Variants in CSRNP3 observed in about 807,000 individuals in gnomAD.
CSRNP3 encodes the protein cysteine/serine-rich nuclear protein 3.
CSRNP3 carries 12 observed loss-of-function variants against 48.0 expected under a neutral mutation model. The ratio of observed to expected loss-of-function variants is 0.25; its 90% CI spans 0.16 to 0.41. The LOEUF (loss-of-function observed/expected upper bound fraction) is 0.41. Ranked by LOEUF, CSRNP3 falls within the 10% of genes least tolerant of loss-of-function variation. CSRNP3 has a pLI of 1.00. For missense variants in CSRNP3, 580 were observed against 724.4 expected (o/e 0.80, Z 2.29); for synonymous variants, 263 against 269.7 (o/e 0.98, Z 0.24).
chr2:165,481,810 T>C (rs1394818202), intron 1 of CSRNP3, among the ~76,000 whole-genome samples: 2 of 152,166 alleles, frequency 1.3e-5, no homozygotes, highest in African/African-American at 4.8e-5. Context: ...GCCATTATCC[T>C]AAGCAAACTA....
intron 3 of CSRNP3, among the ~76,000 whole-genome samples, chr2:165,543,965 G>A (rs1684990821): frequency 6.6e-6 from 1 of 151,206 alleles, no homozygotes; most frequent in Non-Finnish European, 1.5e-5. Flanking sequence ...GATAGACAAG[G>A]TTAATGAAAT....
chr2:165,540,172 T>C (rs1184155547), intron 3 of CSRNP3, among the ~76,000 whole-genome samples: 2 of 152,108 alleles, frequency 1.3e-5, no homozygotes, highest in Non-Finnish European at 2.9e-5. Context: ...TCTCTTTTGC[T>C]CTAAAATGCA....
At chr2:165,673,616 T>G (rs986323072) in intron 5 of CSRNP3, among the ~76,000 whole-genome samples, 5 of 152,190 alleles carry the variant, frequency 3.3e-5, no homozygotes, top group Non-Finnish European at 7.3e-5. Flanking sequence ...TGGTTATTCA[T>G]GTTGCCCTAA....
intron 5 of CSRNP3, among the ~76,000 whole-genome samples, chr2:165,665,775 A>AAGAG (rs10645178): frequency 0.032 from 4,176 of 131,208 alleles, 176 homozygotes; most frequent in African/African-American, 0.092. Flanking sequence ...AAAAGAAAGA[A>AAGAG]AGAGAGAGAG....
At chr2:165,539,227 G>A (rs1274106044) in intron 3 of CSRNP3, among the ~76,000 whole-genome samples, 1 of 151,942 alleles carries the variant, frequency 6.6e-6, no homozygotes, top group Non-Finnish European at 1.5e-5. Flanking sequence ...AATATGCACT[G>A]TTTTTACTCT....
intron 3 of CSRNP3, among the ~76,000 whole-genome samples, chr2:165,530,914 A>T (rs935614451): frequency 1.3e-5 from 2 of 152,128 alleles, no homozygotes; most frequent in African/African-American, 4.8e-5. Context: ...ATTAAGAAAA[A>T]AATTAAAACT....
At chr2:165,590,207 G>A (rs1685694085) in intron 3 of CSRNP3, among the ~76,000 whole-genome samples, 1 of 152,170 alleles carries the variant, frequency 6.6e-6, no homozygotes, top group Admixed American at 6.5e-5. Flanking sequence ...TAGAAATAGA[G>A]ATTTTATTTT....
chr2:165,651,299 T>C (rs532519596), intron 4 of CSRNP3, among the ~76,000 whole-genome samples: 15 of 152,246 alleles, frequency 9.9e-5, no homozygotes, highest in Non-Finnish European at 1.8e-4. Context: ...GATAATCTGG[T>C]AAACTTGAAG....
chr2:165,590,825 CTT>C (rs1372404113), intron 3 of CSRNP3, among the ~76,000 whole-genome samples: 1 of 152,184 alleles, frequency 6.6e-6, no homozygotes, highest in East Asian at 1.9e-4. Flanking sequence ...AATTAAACCT[CTT>C]TTCTTTATAA....
At chr2:165,644,794 C>G (rs1235523816) in intron 4 of CSRNP3, among the ~76,000 whole-genome samples, 1 of 152,138 alleles carries the variant, frequency 6.6e-6, no homozygotes, top group African/African-American at 2.4e-5. Context: ...ATTCTTCTAT[C>G]CATAGTTTTG....
intron 2 of CSRNP3, among the ~76,000 whole-genome samples, chr2:165,496,666 C>G (rs7564365): frequency 0.23 from 35,025 of 151,768 alleles, 4,249 homozygotes; most frequent in East Asian, 0.34. Flanking sequence ...CCTACTATTT[C>G]TCAATCTTTT....
At chr2:165,478,640 T>A (rs1442194240) in intron 1 of CSRNP3, among the ~76,000 whole-genome samples, 1 of 152,248 alleles carries the variant, frequency 6.6e-6, no homozygotes, top group African/African-American at 2.4e-5. Flanking sequence ...TAAGATCCCA[T>A]TCTTCAGTTG....
chr2:165,519,474 G>T (rs1684623665), intron 3 of CSRNP3, among the ~76,000 whole-genome samples: 1 of 152,166 alleles, frequency 6.6e-6, no homozygotes, highest in Non-Finnish European at 1.5e-5. Flanking sequence ...GAAGTGCGCA[G>T]CACTGTACTT....
intron 3 of CSRNP3, among the ~76,000 whole-genome samples, chr2:165,534,159 G>A (rs1333860130): frequency 6.6e-6 from 1 of 151,956 alleles, no homozygotes; most frequent in African/African-American, 2.4e-5. Flanking sequence ...AAAACTAGAT[G>A]TATTCCATTA....
At chr2:165,525,440 G>A (rs1684718928) in intron 3 of CSRNP3, among the ~76,000 whole-genome samples, 1 of 148,516 alleles carries the variant, frequency 6.7e-6, no homozygotes, top group Non-Finnish European at 1.5e-5. Flanking sequence ...TTTTTCTTCT[G>A]TGGATTATGA....
chr2:165,676,237 T>C lies in CSRNP3; in HGVS notation c.409-75T>C, dbSNP rs368174916. 35 of 1,084,750 alleles carry C rather than the reference T, an allele frequency of 3.2e-5. No individual in the cohort carries two copies. In the African/African-American group the frequency reaches 4.2e-4, roughly 13 times the overall value. The allele number at this position is 1,084,750 out of a possible 1,614,324, so 67.2% of individuals were successfully genotyped here. ...GACATGATGATATATAATAGTTCAT[T>C]CTCACCCAGTACAAACATACAGATT... On this transcript the variant is annotated intron_variant, in intron 5 of 6. Coordinates refer to ENST00000651982, the MANE Select transcript of CSRNP3 (RefSeq NM_001172173.2).
rs1687502407 is a variant in CSRNP3, at chr2:165,679,795, G to A, written c.*42G>A. On this transcript the variant is annotated 3_prime_UTR_variant, in exon 7 of 7. Coordinates refer to ENST00000651982, the MANE Select transcript of CSRNP3 (RefSeq NM_001172173.2). ...AGGACCAACTCTTCTCTTATTTAAG[G>A]CACTGTATTTAATTGGATTTCCTGG... 1.9e-6 allele frequency: 3 copies of A among 1,568,184 alleles called. No homozygotes were observed. The highest frequency in any genetic ancestry group is 1.4e-5 in the African/African-American group (1 of 73,424).
chr2:165,599,080 A>C (rs1212566653), intron 4 of CSRNP3, among the ~76,000 whole-genome samples: 1 of 151,700 alleles, frequency 6.6e-6, no homozygotes, highest in Non-Finnish European at 1.5e-5. Flanking sequence ...AAAAAAATTA[A>C]AAAGAAAAAT....
At chr2:165,630,804 G>A (rs1221935242) in intron 4 of CSRNP3, among the ~76,000 whole-genome samples, 1 of 152,178 alleles carries the variant, frequency 6.6e-6, no homozygotes, top group Non-Finnish European at 1.5e-5. Flanking sequence ...TATTTGACGT[G>A]TTCAAAGTTA....
Sources: allele counts gnomAD v4.1 joint callset (sites outside exome capture counted in the v4.1 genomes callset), GRCh38; gene constraint gnomAD v4.1.1; transcripts MANE v1.5; gene names NCBI Gene and HGNC (gene_info 2026-07-23, HGNC 2026-07-21).